Variants in EPHB1 observed in about 807,000 individuals in gnomAD.
The protein encoded by EPHB1 is ephrin type-B receptor 1.
Under a neutral mutation model 94.4 loss-of-function variants are expected in EPHB1, and 30 were observed. That is an observed-to-expected ratio of 0.32 (90% CI 0.24 to 0.43). EPHB1 has a LOEUF of 0.43. Ranked by LOEUF, EPHB1 falls within the 20% of genes least tolerant of loss-of-function variation. The pLI, the probability that EPHB1 is intolerant of heterozygous loss-of-function variation, is 1.00. For missense variants in EPHB1, 1,055 were observed against 1,308.3 expected (o/e 0.81, Z 2.99); for synonymous variants, 522 against 489.1 (o/e 1.07, Z -0.89).
At chr3:134,975,255 A>G (rs1166379985) in intron 3 of EPHB1, among the ~76,000 whole-genome samples, 2 of 152,132 alleles carry the variant, frequency 1.3e-5, no homozygotes, top group African/African-American at 4.8e-5. Context: ...GCCATATCTA[A>G]TGAGCTGGGA....
chr3:135,179,503 A>G (rs1165416623), intron 9 of EPHB1, among the ~76,000 whole-genome samples: 1 of 152,052 alleles, frequency 6.6e-6, no homozygotes. Flanking sequence ...TTTTACCACC[A>G]CTTTTCTGCT....
chr3:135,016,120 G>C (rs1935790169), intron 3 of EPHB1, among the ~76,000 whole-genome samples: 1 of 152,188 alleles, frequency 6.6e-6, no homozygotes. Flanking sequence ...GTGGGGATGA[G>C]TTTGGAGATT....
chr3:135,072,106 G>T (rs1937738119), intron 3 of EPHB1, among the ~76,000 whole-genome samples: 1 of 152,134 alleles, frequency 6.6e-6, no homozygotes, highest in Non-Finnish European at 1.5e-5. Flanking sequence ...AGGTGTGATG[G>T]CTCACACTTG....
At chr3:134,941,914 A>G (rs962370311) in intron 2 of EPHB1, among the ~76,000 whole-genome samples, 3 of 152,212 alleles carry the variant, frequency 2.0e-5, no homozygotes, top group Non-Finnish European at 4.4e-5. Flanking sequence ...TAGATCTTGG[A>G]GAGACCTGAA....
intron 13 of EPHB1, 21 bp from the exon 14 acceptor site, chr3:135,248,295 G>C: frequency 3.2e-6 from 5 of 1,549,706 alleles, no homozygotes; most frequent in Non-Finnish European, 4.4e-6. Flanking sequence ...AATCACACCT[G>C]TTCCCTGTAT....
At chr3:134,833,095 C>T (rs145226433) in intron 1 of EPHB1, among the ~76,000 whole-genome samples, 9 of 152,180 alleles carry the variant, frequency 5.9e-5, no homozygotes, top group African/African-American at 1.9e-4. Context: ...TCACCTGATC[C>T]CAGCCCTGTG....
At chr3:135,161,908 C>A in intron 6 of EPHB1, 110 bp from the exon 7 acceptor site, 1 of 1,207,970 alleles carries the variant, frequency 8.3e-7, no homozygotes, top group Non-Finnish European at 1.1e-6. Context: ...CAACTGCTAG[C>A]AGATATGCAG....
chr3:135,211,517 G>A (rs1419556480), intron 12 of EPHB1, among the ~76,000 whole-genome samples: 1 of 152,244 alleles, frequency 6.6e-6, no homozygotes, highest in South Asian at 2.1e-4. Context: ...TCAGAGAAAT[G>A]TCTATATTTT....
chr3:135,035,938 G>A lies in EPHB1; in HGVS notation c.806-70510G>A, dbSNP rs1219913261. Among the ~76,000 whole-genome samples the A allele has an allele frequency of 2.0e-5, 3 of 152,308 alleles. 1 individual carries two copies. The South Asian group carries it at 6.2e-4, about 32-fold the overall frequency. The stretch of plus-strand genomic sequence containing the variant: ...AGCATCTGGTCTAGCCAGGTCCCCA[G>A]GTTTGAAGAAAAGAGGGGCATAAGT... On this transcript the variant is annotated intron_variant, in intron 3 of 15. Transcript: ENST00000398015.
chr3:134,916,513 G>C (rs756896435), intron 1 of EPHB1, among the ~76,000 whole-genome samples: 1 of 152,254 alleles, frequency 6.6e-6, no homozygotes, highest in Non-Finnish European at 1.5e-5. Context: ...CCCGTGCAGA[G>C]GCAGCTAAGG....
intron 4 of EPHB1, among the ~76,000 whole-genome samples, chr3:135,121,805 C>CTT (rs370298819): frequency 1.4e-5 from 2 of 144,396 alleles, no homozygotes; most frequent in East Asian, 2.0e-4. Flanking sequence ...TGCACAAAGT[C>CTT]TTTTTTTTTT....
chr3:135,037,887 T>C (rs1331932426), intron 3 of EPHB1, among the ~76,000 whole-genome samples: 2 of 152,226 alleles, frequency 1.3e-5, no homozygotes, highest in East Asian at 3.8e-4. Context: ...AAATGACTTA[T>C]AAAATAAACT....
In EPHB1 at chr3:135,201,594, C is replaced by G. The variant is rs2107713067; in HGVS notation, c.2251C>G (p.Leu751Val). Residue 751 changes from leucine to valine, a missense_variant, in exon 12 of 16, where the codon CTG (leucine) becomes GTG (valine). By Grantham distance (32) the Leu-to-Val change is conservative (BLOSUM62 1). Transcript: ENST00000398015. The stretch of plus-strand genomic sequence containing the variant: ...TCGGGACCTGGCTGCTAGGAACATT[C>G]TGGTCAACAGTAACCTGGTGTGCAA... ...VHRDLAARNI[L>V]VNSNLVCKVS... The G allele has an allele frequency of 1.2e-6, 2 of 1,614,072 alleles. No homozygotes were observed. The highest frequency in any genetic ancestry group is 1.7e-6 in the Non-Finnish European group (2 of 1,180,022).
intron 1 of EPHB1, among the ~76,000 whole-genome samples, chr3:134,912,514 T>C (rs1299959716): frequency 6.6e-6 from 1 of 152,360 alleles, no homozygotes; most frequent in East Asian, 1.9e-4. Context: ...TGTGTGGTTC[T>C]TTCCTTTCCT....
intron 3 of EPHB1, among the ~76,000 whole-genome samples, chr3:135,022,580 C>T (rs564987939): frequency 6.6e-6 from 1 of 152,122 alleles, no homozygotes; most frequent in South Asian, 2.1e-4. Flanking sequence ...TTTATTTGTT[C>T]TTGTGTCACA....
intron 1 of EPHB1, among the ~76,000 whole-genome samples, chr3:134,804,564 G>A (rs563130975): frequency 1.3e-5 from 2 of 152,040 alleles, no homozygotes; most frequent in African/African-American, 2.4e-5. Context: ...TGTGTGGGGG[G>A]GAGGAATCAG....
chr3:134,820,723 G>A (rs1388106500), intron 1 of EPHB1, among the ~76,000 whole-genome samples: 2 of 152,136 alleles, frequency 1.3e-5, no homozygotes, highest in Admixed American at 1.3e-4. Context: ...GCCCCAGGCT[G>A]CTTTCTCTTT....
intron 1 of EPHB1, among the ~76,000 whole-genome samples, chr3:134,901,441 T>G (rs1023684702): frequency 3.3e-5 from 5 of 152,238 alleles, no homozygotes; most frequent in African/African-American, 9.6e-5. Context: ...GTTTTGCTGA[T>G]TGTATCCCCA....
At chr3:135,145,227 T>A (rs994520532) in intron 5 of EPHB1, among the ~76,000 whole-genome samples, 19 of 152,232 alleles carry the variant, frequency 1.2e-4, no homozygotes, top group African/African-American at 4.1e-4. Flanking sequence ...ACAGTTCATC[T>A]GTGTTGCAAA....
Sources: gnomAD v4.1 joint callset for allele counts (sites outside exome capture counted in the v4.1 genomes callset) on GRCh38, gnomAD v4.1.1 for gene constraint, MANE v1.5 for transcripts, NCBI Gene and HGNC (gene_info 2026-07-23, HGNC 2026-07-21) for gene names.